KIF5A: variants seen among roughly 807,000 people sequenced by gnomAD.
KIF5A encodes the protein kinesin heavy chain isoform 5A.
Under a neutral mutation model 141.3 loss-of-function variants are expected in KIF5A, and 35 were observed. The observed-to-expected ratio is 0.25, with a 90% CI of 0.19 to 0.33. The LOEUF is 0.33. Ranked by LOEUF, KIF5A falls within the 10% of genes least tolerant of loss-of-function variation. The probability of loss-of-function intolerance (pLI) is 1.00; values close to 1 mark genes in which losing one functional copy is unlikely to be tolerated. For synonymous variants in KIF5A, 448 were observed against 500.2 expected, an observed-to-expected ratio of 0.90 and a Z score of 1.39; for missense variants, 861 against 1,314.3, an observed-to-expected ratio of 0.66 and a Z score of 5.33.
At chr12:57,577,960 G>A in intron 21 of KIF5A, 49 bp from the exon 22 acceptor site, 2 of 1,471,062 alleles carry the variant, frequency 1.4e-6, no homozygotes, top group Non-Finnish European at 1.9e-6. Flanking sequence ...TGGAGGAATA[G>A]GACAGACCTG....
At chr12:57,561,887 G>T (rs894066598) in intron 1 of KIF5A, among the ~76,000 whole-genome samples, 18 of 152,218 alleles carry the variant, frequency 1.2e-4, no homozygotes, top group Admixed American at 1.1e-3. Context: ...TCTAGCCAAG[G>T]TTTACAACTT....
chr12:57,567,664 T>TC (rs1360708010), intron 8 of KIF5A, 46 bp downstream of exon 8: 1 of 1,111,774 alleles, frequency 9.0e-7, no homozygotes, highest in East Asian at 3.4e-5. Flanking sequence ...CTTGGCTCTT[T>TC]TTTTTTTTTT....
intron 12 of KIF5A, among the ~76,000 whole-genome samples, chr12:57,570,513 C>G (rs2140164158): frequency 6.6e-6 from 1 of 152,272 alleles, no homozygotes; most frequent in East Asian, 1.9e-4. Flanking sequence ...ATTCTCCTGC[C>G]TCAGCCTCCA....
At chr12:57,552,652 T>G (rs781478872) in intron 1 of KIF5A, among the ~76,000 whole-genome samples, 110 of 152,228 alleles carry the variant, frequency 7.2e-4, no homozygotes, top group Middle Eastern at 3.4e-3. Context: ...CCCTTGAGGG[T>G]CCCAACAAGG....
chr12:57,557,834 G>C (rs1221507080), intron 1 of KIF5A, among the ~76,000 whole-genome samples: 5 of 151,736 alleles, frequency 3.3e-5, no homozygotes, highest in African/African-American at 9.7e-5. Context: ...TAGGATTATA[G>C]GCATGTACCA....
rs749023785 is a variant in KIF5A, at chr12:57,576,802, C to A, written c.2240C>A (p.Ala747Asp). 2 of 1,613,878 alleles carry A rather than the reference C, an allele frequency of 1.2e-6. No individual in the cohort carries two copies. The highest frequency in any genetic ancestry group is 3.3e-5 in the Admixed American group (2 of 60,004). Residue 747 changes from alanine (A) to aspartate (D), a missense_variant, in exon 20 of 29, where the codon GCT becomes GAT. Around this residue, in one of 5 missense-constraint regions of KIF5A, gnomAD observed 482 missense variants for 661.3 expected, o/e 0.73. Coordinates refer to ENST00000455537, the MANE Select transcript of KIF5A (RefSeq NM_004984.4). ...KLQLELEKLQ[A>D]DYEKLKSEEH... ...CAGTTAGAGCTAGAGAAGCTTCAGGCTGACTACGAGAAGCTGAAGAGCGAA... is the reference window on the plus strand; with the variant it reads ...CAGTTAGAGCTAGAGAAGCTTCAGGATGACTACGAGAAGCTGAAGAGCGAA...
Position 57,580,962 on chromosome 12 carries a change from C to T in KIF5A, c.2545C>T (p.Arg849Cys), listed in dbSNP as rs2140171409. The change falls in exon 24 of 29, where the codon CGT (arginine) becomes TGT (cysteine). Residue 849 changes from arginine (R) to cysteine (C), a missense_variant. Around this residue, in one of 5 missense-constraint regions of KIF5A, gnomAD observed 482 missense variants for 661.3 expected, o/e 0.73. Coordinates refer to ENST00000455537, the MANE Select transcript of KIF5A (RefSeq NM_004984.4). ...CCTTTGGCTTGCCCCATAGCTGGTACGTGACAATGCAGATCTGCGTTGTGA... is the reference window on the plus strand; with the variant it reads ...CCTTTGGCTTGCCCCATAGCTGGTATGTGACAATGCAGATCTGCGTTGTGA... ...QLTKVHKQLV[R>C]DNADLRCELP... The T allele has an allele frequency of 3.1e-6, 5 of 1,613,824 alleles. No homozygotes were observed. The highest frequency in any genetic ancestry group is 2.2e-5 in the East Asian group (1 of 44,874).
intron 1 of KIF5A, among the ~76,000 whole-genome samples, chr12:57,554,928 C>A (rs1881686834): frequency 1.3e-5 from 2 of 152,216 alleles, no homozygotes; most frequent in African/African-American, 4.8e-5. Flanking sequence ...TCCCACCATG[C>A]CCCACCTCCA....
chr12:57,576,812 G>A lies in KIF5A; in HGVS notation c.2250G>A (p.Glu750=). ...TAGAGAAGCTTCAGGCTGACTACGA[G>A]AAGCTGAAGAGCGAAGAACACGAGA... is the stretch of plus-strand genomic sequence containing the variant. The part of the protein sequence containing the change: ...LELEKLQADY[E]KLKSEEHEKS... Residue 750 remains glutamate, a synonymous_variant, in exon 20 of 29, where the codon GAG becomes GAA. Transcript: ENST00000455537. 6.2e-7 allele frequency: 1 copy of A among 1,613,984 alleles called. No individual in the cohort carries two copies. The highest frequency in any genetic ancestry group is 1.1e-5 in the South Asian group (1 of 91,050).
At chr12:57,574,425 A>C (rs1432341675) in intron 15 of KIF5A, among the ~76,000 whole-genome samples, 1 of 149,078 alleles carries the variant, frequency 6.7e-6, no homozygotes, top group Non-Finnish European at 1.5e-5. Flanking sequence ...GGCACACACC[A>C]CCTCTCCTGG....
At chr12:57,562,129 TTG>T (rs368671357) in intron 1 of KIF5A, among the ~76,000 whole-genome samples, 141 of 152,374 alleles carry the variant, frequency 9.3e-4, no homozygotes, top group African/African-American at 3.3e-3. Context: ...TGTAAGTATT[TTG>T]TGTCTTTATC....
In KIF5A at chr12:57,576,805, A is replaced by T; in HGVS notation, c.2243A>T (p.Asp748Val). 2 of 1,614,010 alleles carry T rather than the reference A, an allele frequency of 1.2e-6. No homozygotes were observed. Among genetic ancestry groups the T allele is most frequent in the East Asian group, 2.2e-5 (1 of 44,888 alleles). The part of the protein sequence containing the change: ...LQLELEKLQA[D>V]YEKLKSEEHE... ...TTAGAGCTAGAGAAGCTTCAGGCTGACTACGAGAAGCTGAAGAGCGAAGAA... is the reference window on the plus strand; with the variant it reads ...TTAGAGCTAGAGAAGCTTCAGGCTGTCTACGAGAAGCTGAAGAGCGAAGAA... The change falls in exon 20 of 29, where the codon GAC becomes GTC. Residue 748 changes from aspartate (D) to valine (V), a missense_variant. Transcript: ENST00000455537.
intron 1 of KIF5A, among the ~76,000 whole-genome samples, chr12:57,559,285 T>C (rs776475328): frequency 3.3e-5 from 5 of 152,230 alleles, no homozygotes; most frequent in Non-Finnish European, 7.3e-5. Flanking sequence ...TATTTCCAAA[T>C]TGCCTTTCAC....
chr12:57,550,811 G>A lies in KIF5A; in HGVS notation c.129+411G>A, dbSNP rs947540814. On this transcript the variant is annotated intron_variant, in intron 1 of 28. Transcript: ENST00000455537. The surrounding 1 kb of genome is among the most constrained non-coding windows in gnomAD (Gnocchi z 4.6). ...CGGAAGGTAAGGCGGAAGACTTTTG[G>A]GTGGATTAGATGGGAGGTGAGCAGT... 2.0e-4 allele frequency among the ~76,000 whole-genome samples: 31 copies of A among 152,316 alleles called. No homozygotes were observed. Among genetic ancestry groups the A allele is most frequent in the African/African-American group, 7.2e-4 (30 of 41,568 alleles).
chr12:57,570,770 GTA>G (rs1001116338), intron 12 of KIF5A, among the ~76,000 whole-genome samples: 1 of 151,954 alleles, frequency 6.6e-6, no homozygotes, highest in African/African-American at 2.4e-5. Context: ...CTTCATAAAA[GTA>G]TTTTTATTTT....
Position 57,583,210 on chromosome 12 carries a change from T to G in KIF5A, c.*31T>G. The G allele has an allele frequency of 1.3e-6, 2 of 1,583,788 alleles. No individual in the cohort carries two copies. The highest frequency in any genetic ancestry group is 1.7e-6 in the Non-Finnish European group (2 of 1,154,820). On this transcript the variant is annotated 3_prime_UTR_variant, in exon 28 of 29. Transcript: ENST00000455537. ...CACACCCACGGCTGCATACCTGCAC[T>G]TTCAGGTAGCGTCAGGCTGCTTCCT...
In KIF5A at chr12:57,572,408, C is replaced by A. The variant is rs1264214303; in HGVS notation, c.1569+141C>A. The A allele has an allele frequency of 6.5e-6, 8 of 1,238,030 alleles. No individual in the cohort carries two copies. The highest frequency in any genetic ancestry group is 9.2e-6 in the Non-Finnish European group (8 of 865,044). 76.7% of individuals were successfully genotyped at this position (1,238,030 alleles called of 1,614,324 possible). On this transcript the variant is annotated intron_variant, in intron 14 of 28. Coordinates refer to ENST00000455537, the MANE Select transcript of KIF5A (RefSeq NM_004984.4). The surrounding 1 kb of genome is among the most constrained non-coding windows in gnomAD (Gnocchi z 4.2). ...AGTGCATTGTGAGTCCCTCCCCAACCCTGTCACTGCACTTTCCCCTCACAG... is the reference window on the plus strand; with the variant it reads ...AGTGCATTGTGAGTCCCTCCCCAACACTGTCACTGCACTTTCCCCTCACAG...
intron 23 of KIF5A, among the ~76,000 whole-genome samples, chr12:57,580,165 A>T (rs1010051870): frequency 1.3e-5 from 2 of 152,100 alleles, no homozygotes; most frequent in Non-Finnish European, 2.9e-5. Context: ...CGCTATGCTG[A>T]TTTACCCGCT....
intron 25 of KIF5A, 148 bp from the exon 26 acceptor site, chr12:57,581,722 C>G (rs1013165441): frequency 8.3e-7 from 1 of 1,210,878 alleles, no homozygotes; most frequent in African/African-American, 1.5e-5. Flanking sequence ...GTCTGCCCTC[C>G]CAGCCTGTGG....
Sources: gnomAD v4.1 joint callset for allele counts (sites outside exome capture counted in the v4.1 genomes callset) on GRCh38, gnomAD v4.1.1 for gene constraint, gnomAD v4.1.1 regional missense constraint, Gnocchi (gnomAD v3.1) non-coding constraint, MANE v1.5 for transcripts, NCBI Gene and HGNC (gene_info 2026-07-23, HGNC 2026-07-21) for gene names.